The following GPC6 variants were observed in gnomAD, a reference collection of about 807,000 sequenced individuals.
The protein encoded by GPC6 is glypican-6.
A neutral mutation model predicts 55.2 loss-of-function variants in GPC6; 14 were observed. The observed-to-expected ratio is 0.25, with a 90% confidence interval of 0.17 to 0.40. The LOEUF (loss-of-function observed/expected upper bound fraction) is 0.40. GPC6 is among the 10% of genes least tolerant of loss of function. The probability of loss-of-function intolerance (pLI) is 1.00; values close to 1 mark genes in which losing one functional copy is unlikely to be tolerated. For synonymous variants in GPC6, 278 were observed against 259.6 expected (o/e 1.07, Z -0.68); for missense variants, 641 against 708.5 (o/e 0.90, Z 1.08).
At chr13:93,341,644 T>C (rs550547384) in intron 1 of GPC6, among the ~76,000 whole-genome samples, 4 of 152,262 alleles carry the variant, frequency 2.6e-5, no homozygotes, top group African/African-American at 9.6e-5. Context: ...TTCTGGATAC[T>C]AGTCCTTTGT....
At chr13:93,659,613 T>C (rs1021492814) in intron 2 of GPC6, among the ~76,000 whole-genome samples, 4 of 152,052 alleles carry the variant, frequency 2.6e-5, no homozygotes, top group African/African-American at 9.6e-5. Context: ...CATCTAGCTT[T>C]TATAATGCTA....
intron 3 of GPC6, among the ~76,000 whole-genome samples, chr13:94,011,007 G>A (rs1882223383): frequency 1.3e-5 from 2 of 152,152 alleles, no homozygotes; most frequent in East Asian, 3.9e-4. Context: ...AAATGTTTTT[G>A]TGCCAAATAA....
chr13:94,227,663 C>T (rs1890599129), intron 4 of GPC6, among the ~76,000 whole-genome samples: 1 of 152,138 alleles, frequency 6.6e-6, no homozygotes, highest in African/African-American at 2.4e-5. Flanking sequence ...TCTGGATAGG[C>T]TAGGTGATGC....
chr13:93,258,628 A>G (rs1246451020), intron 1 of GPC6, among the ~76,000 whole-genome samples: 3 of 152,080 alleles, frequency 2.0e-5, no homozygotes, highest in African/African-American at 7.2e-5. Context: ...CAGAAGACAA[A>G]CAATCTTGGT....
chr13:93,865,660 C>T (rs1405479851), intron 3 of GPC6, among the ~76,000 whole-genome samples: 1 of 151,734 alleles, frequency 6.6e-6, no homozygotes. Context: ...CTTCTCTCAT[C>T]AAGGCACATG....
intron 2 of GPC6, among the ~76,000 whole-genome samples, chr13:93,624,114 C>CT (rs34693901): frequency 0.42 from 58,900 of 141,888 alleles, 12,831 homozygotes; most frequent in Middle Eastern, 0.57. Flanking sequence ...CAAATTTCAA[C>CT]TTTTTTTTTT....
At chr13:93,508,395 ACACCCAGCATGTTTAAG>A (rs1193793356) in intron 1 of GPC6, among the ~76,000 whole-genome samples, 1 of 152,210 alleles carries the variant, frequency 6.6e-6, no homozygotes, top group African/African-American at 2.4e-5. Context: ...AGGTGGGACT[ACACCCAGCATGTTTAAG>A]CAAGGTGAGG....
chr13:93,737,027 A>G (rs181938382), intron 2 of GPC6, among the ~76,000 whole-genome samples: 1 of 152,332 alleles, frequency 6.6e-6, no homozygotes, highest in African/African-American at 2.4e-5. Flanking sequence ...CCAATATGCC[A>G]TTGCAGGCAT....
chr13:93,742,793 C>T (rs1884254354), intron 2 of GPC6, among the ~76,000 whole-genome samples: 1 of 152,110 alleles, frequency 6.6e-6, no homozygotes, highest in African/African-American at 2.4e-5. Context: ...TATTCAAGTG[C>T]TTTCAACAAG....
At chr13:93,643,865 C>T (rs923664600) in intron 2 of GPC6, among the ~76,000 whole-genome samples, 1 of 152,228 alleles carries the variant, frequency 6.6e-6, no homozygotes, top group Non-Finnish European at 1.5e-5. Flanking sequence ...TCTCCTTCTT[C>T]ACCCTAAAGC....
chr13:93,777,496 T>C (rs528105448), intron 2 of GPC6, among the ~76,000 whole-genome samples: 1 of 152,326 alleles, frequency 6.6e-6, no homozygotes, highest in South Asian at 2.1e-4. Context: ...AATTATTTCA[T>C]TAAGTGAATG....
At chr13:94,368,842 C>G (rs1411706569) in intron 6 of GPC6, among the ~76,000 whole-genome samples, 2 of 152,144 alleles carry the variant, frequency 1.3e-5, no homozygotes, top group South Asian at 4.2e-4. Flanking sequence ...TTGGTGCTGT[C>G]AGAAAAGACC....
At chr13:94,320,413 T>C (rs370747278) in intron 6 of GPC6, among the ~76,000 whole-genome samples, 1 of 152,226 alleles carries the variant, frequency 6.6e-6, no homozygotes, top group African/African-American at 2.4e-5. Context: ...TATTTCCTTA[T>C]AGATGTCATG....
intron 1 of GPC6, among the ~76,000 whole-genome samples, chr13:93,339,989 A>C (rs998167289): frequency 6.6e-6 from 1 of 151,628 alleles, no homozygotes; most frequent in African/African-American, 2.4e-5. Context: ...TTTAGTTAAT[A>C]ATAATCCATT....
At chr13:94,329,752 C>T (rs549318663) in intron 6 of GPC6, among the ~76,000 whole-genome samples, 164 of 152,154 alleles carry the variant, frequency 1.1e-3, no homozygotes, top group Non-Finnish European at 2.1e-3. Flanking sequence ...ACTTCTCCTC[C>T]TCCTCTTCCT....
intron 2 of GPC6, among the ~76,000 whole-genome samples, chr13:93,591,077 CAGATAAAATG>C (rs1223977404): frequency 7.0e-6 from 1 of 143,426 alleles, no homozygotes; most frequent in Non-Finnish European, 1.5e-5. Flanking sequence ...GCAATCAATT[CAGATAAAATG>C]TAACTGAAAT....
intron 3 of GPC6, among the ~76,000 whole-genome samples, chr13:94,013,159 A>G (rs1036655112): frequency 4.6e-5 from 7 of 152,116 alleles, no homozygotes; most frequent in Non-Finnish European, 1.0e-4. Context: ...AACTAGCAGA[A>G]AGAACTATTT....
intron 1 of GPC6, among the ~76,000 whole-genome samples, chr13:93,496,092 C>G (rs956631072): frequency 1.3e-5 from 2 of 152,088 alleles, no homozygotes; most frequent in Admixed American, 6.5e-5. Flanking sequence ...CCTAAGCAAG[C>G]CTGGGCAATG....
At chr13:94,346,188 T>C (rs1204999640) in intron 6 of GPC6, among the ~76,000 whole-genome samples, 2 of 152,188 alleles carry the variant, frequency 1.3e-5, no homozygotes, top group East Asian at 3.9e-4. Flanking sequence ...AAAGACGTTA[T>C]TTCTCACCTT....
Sources: allele counts gnomAD v4.1 joint callset (sites outside exome capture counted in the v4.1 genomes callset), GRCh38; gene constraint gnomAD v4.1.1; transcripts MANE v1.5; gene names NCBI Gene and HGNC (gene_info 2026-07-23, HGNC 2026-07-21).